The following MECR variants were observed in gnomAD, a reference collection of about 807,000 sequenced individuals.
The protein encoded by MECR is mitochondrial trans-2-enoyl-CoA reductase, also known as enoyl-[acyl-carrier-protein] reductase, mitochondrial.
Under a neutral mutation model 49.1 loss-of-function variants are expected in MECR, and 37 were observed. That is an observed-to-expected ratio of 0.75 (90% CI 0.58 to 0.99). The LOEUF is 0.99. Ranked by LOEUF, MECR falls within the 50% of genes least tolerant of loss-of-function variation. The pLI, the probability that MECR is intolerant of heterozygous loss-of-function variation, is 0.00. For missense variants in MECR, 470 were observed against 479.6 expected, an observed-to-expected ratio of 0.98 and a Z score of 0.19; for synonymous variants, 198 against 191.1, an observed-to-expected ratio of 1.04 and a Z score of -0.30.
downstream of MECR, among the ~76,000 whole-genome samples, chr1:29,192,115 C>A (rs991808458): frequency 6.6e-6 from 1 of 152,038 alleles, no homozygotes; most frequent in African/African-American, 2.4e-5. Context: ...ACATTCCGAG[C>A]CAGTTTTTTC....
chr1:29,220,225 T>C (rs1167424047), intron 1 of MECR, among the ~76,000 whole-genome samples: 3 of 53,894 alleles, frequency 5.6e-5, no homozygotes, highest in East Asian at 5.7e-4. Flanking sequence ...ACCCCGTCTC[T>C]ACTAAAAAAA....
intron 3 of MECR, among the ~76,000 whole-genome samples, chr1:29,208,133 C>CA (rs1677068958): frequency 6.6e-6 from 1 of 152,048 alleles, no homozygotes; most frequent in African/African-American, 2.4e-5. Flanking sequence ...GCTGGGATTA[C>CA]AGGCACCTGC....
chr1:29,194,309 A>C (rs1673442489), intron 9 of MECR, 130 bp from the exon 10 acceptor site: 1 of 1,062,672 alleles, frequency 9.4e-7, no homozygotes, highest in Non-Finnish European at 1.3e-6. Flanking sequence ...TGGCTGTGCC[A>C]AGGATAGGGT....
At chr1:29,226,070 G>A (rs1259755540) in intron 1 of MECR, among the ~76,000 whole-genome samples, 2 of 151,074 alleles carry the variant, frequency 1.3e-5, no homozygotes, top group East Asian at 3.9e-4. Context: ...TCAGGAGGCT[G>A]AGGCAGGAGA....
At chr1:29,229,143 G>A (rs1381553201) in intron 1 of MECR, 1 of 151,798 alleles carries the variant, frequency 6.6e-6, no homozygotes, top group African/African-American at 2.4e-5. Context: ...TGGCTAGGCT[G>A]ATTGGATGAC....
chr1:29,190,881 T>C (rs1306137584), downstream of MECR, among the ~76,000 whole-genome samples: 1 of 152,078 alleles, frequency 6.6e-6, no homozygotes, highest in Admixed American at 6.6e-5. Context: ...GCAGATCTTG[T>C]TAGCTGCAAG....
the MECR span, among the ~76,000 whole-genome samples, chr1:29,182,197 C>T: frequency 6.6e-6 from 1 of 152,212 alleles, no homozygotes; most frequent in Admixed American, 6.5e-5. Context: ...TCCTTTGAAC[C>T]GGGTGTGGTT....
At chr1:29,177,546 T>G in the MECR span, among the ~76,000 whole-genome samples, 1 of 152,262 alleles carries the variant, frequency 6.6e-6, no homozygotes, top group African/African-American at 2.4e-5. Flanking sequence ...CCTCTCAAAG[T>G]GCCGGGGTTA....
At chr1:29,204,429 T>C (rs900956828) in intron 4 of MECR, among the ~76,000 whole-genome samples, 5 of 151,944 alleles carry the variant, frequency 3.3e-5, no homozygotes, top group African/African-American at 4.8e-5. Context: ...CAGTGGATTA[T>C]GAATCAATCT....
Position 29,193,891 on chromosome 1 carries a change from C to T in MECR, c.*131G>A. 1.7e-6 allele frequency: 2 copies of T among 1,156,150 alleles called. No individual in the cohort carries two copies. The highest frequency in any genetic ancestry group is 2.4e-6 in the Non-Finnish European group (2 of 819,710). 71.6% of individuals were successfully genotyped at this position (1,156,150 alleles called of 1,614,324 possible). ...TGGGGAAAACCGTGGCTGGCTTCAC[C>T]ATCCTCCTAATAGGAAGAGGCAGTG... On this transcript the variant is annotated 3_prime_UTR_variant, in exon 10 of 10. Transcript: ENST00000263702.
At chr1:29,202,145 T>C in intron 5 of MECR, 100 bp from the exon 6 acceptor site, 1 of 1,032,912 alleles carries the variant, frequency 9.7e-7, no homozygotes, top group African/African-American at 1.6e-5. Flanking sequence ...GTGCTTCTTT[T>C]TGCAGGAAGC....
intron 1 of MECR, chr1:29,223,126 T>G: frequency 1.0e-6 from 1 of 985,404 alleles, no homozygotes. Context: ...GATCTCAAAT[T>G]GCTTCCCCCA....
At chr1:29,175,578 C>T in the MECR span, among the ~76,000 whole-genome samples, 1 of 148,170 alleles carries the variant, frequency 6.7e-6, no homozygotes, top group Middle Eastern at 3.4e-3. Context: ...TCCTGTAGTC[C>T]CAGCTACTTG....
chr1:29,204,888 C>A (rs541203268), intron 4 of MECR, among the ~76,000 whole-genome samples: 1 of 152,364 alleles, frequency 6.6e-6, no homozygotes, highest in Admixed American at 6.5e-5. Context: ...TTGCAAGAAA[C>A]CTATATTTCT....
rs759874576 is a variant in MECR, at chr1:29,201,345, G to A, written c.756+598C>T. The A allele has an allele frequency of 1.9e-6, 1 of 525,108 alleles. No homozygotes were observed. Among genetic ancestry groups the A allele is most frequent in the Non-Finnish European group, 3.9e-6 (1 of 257,722 alleles). The allele number at this position is 525,108 out of a possible 1,614,324, so 32.5% of individuals were successfully genotyped here. ...CTTTGGTTCCTCCAGATGGTTCAGTGAAAAGGGGCTGAGGGTCTGGTCACT... is the reference window on the plus strand; with the variant it reads ...CTTTGGTTCCTCCAGATGGTTCAGTAAAAAGGGGCTGAGGGTCTGGTCACT... On this transcript the variant is annotated intron_variant, in intron 6 of 9. Coordinates refer to ENST00000263702, the MANE Select transcript of MECR (RefSeq NM_016011.5). The surrounding 1 kb of genome is among the most constrained non-coding windows in gnomAD (Gnocchi z 4.3).
At chr1:29,222,019 A>G (rs1680890248) in intron 1 of MECR, among the ~76,000 whole-genome samples, 1 of 152,202 alleles carries the variant, frequency 6.6e-6, no homozygotes, top group Non-Finnish European at 1.5e-5. Flanking sequence ...AGACTCCAAA[A>G]TGCAGGCTGT....
At chr1:29,181,573 C>G in the MECR span, 1 of 1,329,202 alleles carries the variant, frequency 7.5e-7, no homozygotes, top group East Asian at 2.8e-5. Context: ...GCGTCCCTCT[C>G]CCGTCCCCGC....
chr1:29,206,962 C>G, intron 3 of MECR, 57 bp from the exon 4 acceptor site: 1 of 1,595,922 alleles, frequency 6.3e-7, no homozygotes, highest in Non-Finnish European at 8.6e-7. Context: ...ACATTCAACC[C>G]CAGCTCACCC....
At chr1:29,217,976 G>A (rs1259645714) in intron 1 of MECR, among the ~76,000 whole-genome samples, 1 of 152,144 alleles carries the variant, frequency 6.6e-6, no homozygotes, top group Non-Finnish European at 1.5e-5. Context: ...AGGATGCCTG[G>A]GTCACCATGG....
Sources: gnomAD v4.1 joint callset for allele counts (sites outside exome capture counted in the v4.1 genomes callset) on GRCh38, gnomAD v4.1.1 for gene constraint, Gnocchi (gnomAD v3.1) non-coding constraint, MANE v1.5 for transcripts, NCBI Gene and HGNC (gene_info 2026-07-23, HGNC 2026-07-21) for gene names.